The following SUPT5H variants were observed in gnomAD, a reference collection of about 807,000 sequenced individuals.
SUPT5H encodes transcription elongation factor SPT5.
A neutral mutation model predicts 142.5 loss-of-function variants in SUPT5H; 24 were observed. That is an observed-to-expected ratio of 0.17 (90% confidence interval 0.12 to 0.24). The LOEUF is 0.24. SUPT5H is among the 10% of genes least tolerant of loss of function. The pLI is 1.00. For missense variants in SUPT5H, 893 were observed against 1,471.8 expected (o/e 0.61, Z 6.43); for synonymous variants, 546 against 553.0 (o/e 0.99, Z 0.18).
chr19:39,471,836 A>C (rs911199168), intron 20 of SUPT5H, 106 bp downstream of exon 20: 1 of 1,449,304 alleles, frequency 6.9e-7, no homozygotes, highest in Non-Finnish European at 9.2e-7. Context: ...GGATTAGGAG[A>C]GCAGTGTCAT....
chr19:39,469,756 G>A lies in SUPT5H; in HGVS notation c.1374+358G>A. 1 of 484,048 alleles carries A rather than the reference G, an allele frequency of 2.1e-6. No individual in the cohort carries two copies. Among genetic ancestry groups the A allele is most frequent in the Non-Finnish European group, 3.8e-6 (1 of 264,040 alleles). 30.0% of individuals were successfully genotyped at this position (484,048 alleles called of 1,614,324 possible). On this transcript the variant is annotated intron_variant, in intron 16 of 29. Transcript: ENST00000432763. This position sits in a 1 kb window ranked among gnomAD's most constrained non-coding sequence, Gnocchi z 5.1. ...GTTTGTCTGTGTCTGGTGTATGTCTGAGGGGTTGTGCAGGCCCAGTGTGAT... is the reference window on the plus strand; with the variant it reads ...GTTTGTCTGTGTCTGGTGTATGTCTAAGGGGTTGTGCAGGCCCAGTGTGAT...
At position 39,474,502 on chromosome 19, in the gene SUPT5H, C is replaced by T. The variant is rs757121508; in HGVS notation, c.2821-13C>T. On this transcript the variant is annotated splice_polypyrimidine_tract_variant and intron_variant, in intron 27 of 29. Coordinates refer to ENST00000432763, the MANE Select transcript of SUPT5H (RefSeq NM_001111020.3). The surrounding 1 kb of genome is among the most constrained non-coding windows in gnomAD (Gnocchi z 6.5). Reference sequence around the variant, plus strand: ...ATGACTATTCCCAATGACACTTCCTCTTTCCCCTGCAGGCTAGCCCCAGCC... The same window carrying T: ...ATGACTATTCCCAATGACACTTCCTTTTTCCCCTGCAGGCTAGCCCCAGCC... 37 of 1,613,716 alleles carry T rather than the reference C, an allele frequency of 2.3e-5. 1 individual carries two copies. The South Asian group carries it at 3.7e-4, about 16-fold the overall frequency.
intron 9 of SUPT5H, 132 bp from the exon 10 acceptor site, chr19:39,459,760 C>G: frequency 1.5e-6 from 2 of 1,297,764 alleles, no homozygotes; most frequent in Non-Finnish European, 2.2e-6. Flanking sequence ...CTCCATCTTC[C>G]TGGCTGTCCA....
At chr19:39,447,152 G>A (rs918357291) in intron 2 of SUPT5H, among the ~76,000 whole-genome samples, 4 of 152,306 alleles carry the variant, frequency 2.6e-5, no homozygotes, top group South Asian at 2.1e-4. Context: ...GACAGAGTGA[G>A]ACTTTGTCTC....
chr19:39,468,425 G>T, intron 13 of SUPT5H: 1 of 374,068 alleles, frequency 2.7e-6, no homozygotes, highest in Non-Finnish European at 5.0e-6. Context: ...CTGTGTACTG[G>T]GCACTATTCT....
At position 39,453,411 on chromosome 19, in the gene SUPT5H, A is replaced by G. The variant is rs1440179136; in HGVS notation, c.131A>G (p.Asp44Gly). The G allele has an allele frequency of 3.8e-6, 6 of 1,595,346 alleles. No individual in the cohort carries two copies. The highest frequency in any genetic ancestry group is 5.1e-6 in the Non-Finnish European group (6 of 1,170,718). ...AGTGAGAAAGAAGAAGAGCCTGAGG[A>G]CGAAGAGGAGGAGGAAGAGGAGGAG... ...AGSEKEEEPE[D>G]EEEEEEEEEY... Residue 44 changes from aspartate (D) to glycine (G), a missense_variant, in exon 3 of 30, where the codon GAC becomes GGC. Around this residue, in one of 6 missense-constraint regions of SUPT5H, gnomAD observed 70 missense variants for 70.5 expected, o/e 0.99. Transcript: ENST00000432763.
chr19:39,466,364 G>A lies in SUPT5H; in HGVS notation c.877-116G>A. 2 of 961,460 alleles carry A rather than the reference G, an allele frequency of 2.1e-6. No homozygotes were observed. Among genetic ancestry groups the A allele is most frequent in the Non-Finnish European group, 3.2e-6 (2 of 616,768 alleles). The allele number at this position is 961,460 out of a possible 1,614,324, so 59.6% of individuals were successfully genotyped here. ...GACTTTTGGGAGTGGTCAGCAGCCTGGTTTCTTCCCCACCATCCTGCGTCC... is the reference window on the plus strand; with the variant it reads ...GACTTTTGGGAGTGGTCAGCAGCCTAGTTTCTTCCCCACCATCCTGCGTCC... On this transcript the variant is annotated intron_variant, in intron 11 of 29. Coordinates refer to ENST00000432763, the MANE Select transcript of SUPT5H (RefSeq NM_001111020.3). This position sits in a 1 kb window ranked among gnomAD's most constrained non-coding sequence, Gnocchi z 4.3.
chr19:39,461,311 G>T (rs1039507694), intron 10 of SUPT5H, among the ~76,000 whole-genome samples: 1 of 151,734 alleles, frequency 6.6e-6, no homozygotes, highest in Admixed American at 6.6e-5. Context: ...GGGGTGGAAT[G>T]TCTTCCTCAT....
Position 39,445,836 on chromosome 19 carries a change from A to G in SUPT5H, c.-55A>G. 6.3e-7 allele frequency: 1 copy of G among 1,592,020 alleles called. No individual in the cohort carries two copies. Among genetic ancestry groups the G allele is most frequent in the Non-Finnish European group, 8.6e-7 (1 of 1,167,210 alleles). ...GCGGGGAAACTGAGGCTCGGGGTGG[A>G]GCGCAGGATTGTGGGACGCGCCAAG... On this transcript the variant is annotated 5_prime_UTR_variant, in exon 2 of 30. Transcript: ENST00000432763.
chr19:39,474,276 A>C lies in SUPT5H; in HGVS notation c.2694A>C (p.Pro898=), dbSNP rs1467803497. The change falls in exon 27 of 30, where the codon CCA becomes CCC. Residue 898 remains proline (P), a synonymous_variant. Transcript: ENST00000432763. This position sits in a 1 kb window ranked among gnomAD's most constrained non-coding sequence, Gnocchi z 6.5. ...DQFSPYAAPS[P]QGSYQPSPSP... is the part of the protein sequence containing the mutation. ...TCTCTCCCTATGCTGCCCCCTCCCCACAAGGTTCCTACCAGCCCAGCCCCA... is the reference window on the plus strand; with the variant it reads ...TCTCTCCCTATGCTGCCCCCTCCCCCCAAGGTTCCTACCAGCCCAGCCCCA... 1.9e-6 allele frequency: 3 copies of C among 1,612,052 alleles called. No individual in the cohort carries two copies. The highest frequency in any genetic ancestry group is 1.3e-5 in the African/African-American group (1 of 74,138).
In SUPT5H at chr19:39,473,230, C is replaced by A; in HGVS notation, c.2286C>A (p.Thr762=). The A allele has an allele frequency of 1.2e-6, 2 of 1,613,352 alleles. No homozygotes were observed. The highest frequency in any genetic ancestry group is 8.5e-7 in the Non-Finnish European group (1 of 1,179,958). Residue 762 remains threonine, a synonymous_variant, in exon 24 of 30, where the codon ACC becomes ACA. Coordinates refer to ENST00000432763, the MANE Select transcript of SUPT5H (RefSeq NM_001111020.3). This position sits in a 1 kb window ranked among gnomAD's most constrained non-coding sequence, Gnocchi z 5.8. The part of the protein sequence containing the change: ...TVGSRRPGGM[T]STYGRTPMYG... ...GCTCACGGCGCCCGGGCGGCATGAC[C>A]TCGACCTATGGGAGGACGCCCATGT...
chr19:39,472,666 A>G lies in SUPT5H; in HGVS notation c.2036-144A>G. 7.0e-7 allele frequency: 1 copy of G among 1,421,010 alleles called. No individual in the cohort carries two copies. The allele number at this position is 1,421,010 out of a possible 1,614,324, so 88.0% of individuals were successfully genotyped here. On this transcript the variant is annotated intron_variant, in intron 21 of 29. Coordinates refer to ENST00000432763, the MANE Select transcript of SUPT5H (RefSeq NM_001111020.3). This position sits in a 1 kb window ranked among gnomAD's most constrained non-coding sequence, Gnocchi z 4.2. ...ACAGCCCAGAATGGTCAGGGCTTCC[A>G]TAGGAAAGCCATGGGGCAGGGGTGG...
chr19:39,449,071 CAG>C (rs2078988163), intron 2 of SUPT5H, among the ~76,000 whole-genome samples: 1 of 105,260 alleles, frequency 9.5e-6, no homozygotes, highest in African/African-American at 3.3e-5. Flanking sequence ...GCCTGGGAGA[CAG>C]AGCGAGACTG....
Position 39,474,876 on chromosome 19 carries a change from G to T in SUPT5H, c.3024+158G>T. On this transcript the variant is annotated intron_variant, in intron 28 of 29. Coordinates refer to ENST00000432763, the MANE Select transcript of SUPT5H (RefSeq NM_001111020.3). This position sits in a 1 kb window ranked among gnomAD's most constrained non-coding sequence, Gnocchi z 6.5. ...GGGGAGCTATGTGAACCCAAAGGAG[G>T]CATCTTACCTGATTTAGCGGGGAAT... 6 of 784,400 alleles carry T rather than the reference G, an allele frequency of 7.6e-6. No homozygotes were observed. Among genetic ancestry groups the T allele is most frequent in the South Asian group, 5.5e-5 (3 of 54,990 alleles). The allele number at this position is 784,400 out of a possible 1,614,324, so 48.6% of individuals were successfully genotyped here.
Position 39,455,816 on chromosome 19 carries a change from T to C in SUPT5H, c.242-1859T>C, listed in dbSNP as rs562093003. On this transcript the variant is annotated intron_variant, in intron 3 of 29. Coordinates refer to ENST00000432763, the MANE Select transcript of SUPT5H (RefSeq NM_001111020.3). ...TTTTGTATTTTTAGTAGAGACAGGG[T>C]TTCACCATGTTGGCCAGGCTGGTCT... Among the ~76,000 whole-genome samples the C allele has an allele frequency of 1.7e-4, 26 of 150,992 alleles. 2 individuals carry two copies. The East Asian group carries it at 5.1e-3, about 30-fold the overall frequency.
At chr19:39,456,630 G>C (rs2079094530) in intron 3 of SUPT5H, among the ~76,000 whole-genome samples, 1 of 151,896 alleles carries the variant, frequency 6.6e-6, no homozygotes, top group Non-Finnish European at 1.5e-5. Context: ...ATGTTGGCCA[G>C]GCTGATCATG....
chr19:39,471,550 T>TG, intron 19 of SUPT5H, 47 bp downstream of exon 19: 1 of 1,613,734 alleles, frequency 6.2e-7, no homozygotes, highest in South Asian at 1.1e-5. Flanking sequence ...AGAATTTGGT[T>TG]GGTTGGGGGT....
intron 3 of SUPT5H, among the ~76,000 whole-genome samples, chr19:39,454,739 T>C (rs112660932): frequency 0.014 from 2,096 of 152,322 alleles, 33 homozygotes; most frequent in Non-Finnish European, 0.023. Flanking sequence ...TGAATGTGCA[T>C]GTTTTCCCTT....
intron 20 of SUPT5H, chr19:39,471,985 A>G: frequency 1.8e-6 from 1 of 542,562 alleles, no homozygotes; most frequent in Admixed American, 3.6e-5. Context: ...GGTGAACAAG[A>G]CAAAAATACT....
Sources: allele counts gnomAD v4.1 joint callset (sites outside exome capture counted in the v4.1 genomes callset), GRCh38; gene constraint gnomAD v4.1.1; regional missense constraint gnomAD v4.1.1; non-coding constraint Gnocchi (gnomAD v3.1); transcripts MANE v1.5; gene names NCBI Gene and HGNC (gene_info 2026-07-23, HGNC 2026-07-21).